KIAA1958: variants seen among roughly 807,000 people sequenced by gnomAD.
KIAA1958 encodes KIAA1958.
Under a neutral mutation model 47.2 loss-of-function variants are expected in KIAA1958, and 14 were observed. The ratio of observed to expected loss-of-function variants is 0.30; its 90% CI spans 0.20 to 0.46. The LOEUF (loss-of-function observed/expected upper bound fraction) is 0.46. Ranked by LOEUF, KIAA1958 falls within the 20% of genes least tolerant of loss-of-function variation. The probability of loss-of-function intolerance (pLI) is 1.00; values close to 1 mark genes in which losing one functional copy is unlikely to be tolerated. For missense variants in KIAA1958, 803 were observed against 909.2 expected, an observed-to-expected ratio of 0.88 and a Z score of 1.50; for synonymous variants, 354 against 353.3, an observed-to-expected ratio of 1.00 and a Z score of -0.02.
intron 3 of KIAA1958, among the ~76,000 whole-genome samples, chr9:112,652,615 T>G (rs1168386822): frequency 1.3e-5 from 2 of 152,176 alleles, no homozygotes; most frequent in Non-Finnish European, 2.9e-5. Context: ...ACCCATTGTT[T>G]TTTTTGTTTT....
intron 2 of KIAA1958, among the ~76,000 whole-genome samples, chr9:112,594,419 T>G (rs1337962764): frequency 6.6e-6 from 1 of 152,216 alleles, no homozygotes; most frequent in Non-Finnish European, 1.5e-5. Flanking sequence ...TACTCCCTCC[T>G]CAGCCCCTGG....
intron 1 of KIAA1958, among the ~76,000 whole-genome samples, chr9:112,530,317 T>C (rs1056731773): frequency 6.6e-6 from 1 of 152,250 alleles, no homozygotes; most frequent in Admixed American, 6.5e-5. Flanking sequence ...CTTTAGCTGC[T>C]GGGAGCTCTT....
chr9:112,520,811 C>T (rs1834526080), intron 1 of KIAA1958, among the ~76,000 whole-genome samples: 1 of 152,052 alleles, frequency 6.6e-6, no homozygotes. Context: ...CTTTTTAGAC[C>T]ATCTGTGGTT....
chr9:112,561,890 T>C (rs755503057), intron 1 of KIAA1958, among the ~76,000 whole-genome samples: 2 of 152,034 alleles, frequency 1.3e-5, no homozygotes, highest in Non-Finnish European at 2.9e-5. Flanking sequence ...AACTCTGGGA[T>C]TGATGGATTG....
chr9:112,619,992 A>G (rs1836472899), intron 2 of KIAA1958, among the ~76,000 whole-genome samples: 1 of 152,182 alleles, frequency 6.6e-6, no homozygotes, highest in South Asian at 2.1e-4. Context: ...ATTGGCACTC[A>G]TTTTAGGTAA....
chr9:112,550,847 C>G (rs1835129724), intron 1 of KIAA1958, among the ~76,000 whole-genome samples: 1 of 152,140 alleles, frequency 6.6e-6, no homozygotes. Flanking sequence ...TACTCAGTCT[C>G]CAGCTCCTCA....
At chr9:112,573,844 T>C (rs543177525) in intron 1 of KIAA1958, among the ~76,000 whole-genome samples, 11 of 152,256 alleles carry the variant, frequency 7.2e-5, no homozygotes, top group Non-Finnish European at 1.5e-4. Flanking sequence ...AAAATTTTTC[T>C]CCAAATCCCA....
intron 1 of KIAA1958, among the ~76,000 whole-genome samples, chr9:112,553,628 G>GT (rs1475091021): frequency 6.6e-6 from 1 of 152,156 alleles, no homozygotes; most frequent in Non-Finnish European, 1.5e-5. Context: ...GAACAACATA[G>GT]TAAGTGCTAC....
chr9:112,650,615 T>A (rs1837041769), intron 3 of KIAA1958, among the ~76,000 whole-genome samples: 2 of 149,866 alleles, frequency 1.3e-5, no homozygotes, highest in Non-Finnish European at 1.5e-5. Context: ...AAAAAAAAAA[T>A]TAAATGGAAA....
chr9:112,510,803 A>G (rs545571686), intron 1 of KIAA1958, among the ~76,000 whole-genome samples: 1 of 152,110 alleles, frequency 6.6e-6, no homozygotes, highest in East Asian at 1.9e-4. Context: ...AGGTTTGCTA[A>G]TTTTTGTACA....
At chr9:112,592,816 G>A (rs1470125376) in intron 2 of KIAA1958, among the ~76,000 whole-genome samples, 2 of 152,196 alleles carry the variant, frequency 1.3e-5, no homozygotes, top group African/African-American at 4.8e-5. Flanking sequence ...TCTGAAATGG[G>A]ACAGGTGGTT....
chr9:112,580,685 G>A (rs1238267106), intron 2 of KIAA1958, among the ~76,000 whole-genome samples: 1 of 152,002 alleles, frequency 6.6e-6, no homozygotes, highest in Non-Finnish European at 1.5e-5. Context: ...TATTCGGCAG[G>A]CTGAGGCAGG....
At chr9:112,657,211 C>T (rs1837166045) in intron 3 of KIAA1958, among the ~76,000 whole-genome samples, 1 of 152,048 alleles carries the variant, frequency 6.6e-6, no homozygotes, top group African/African-American at 2.4e-5. Flanking sequence ...CCTCAGCCTC[C>T]CAAGTAGCTG....
intron 3 of KIAA1958, among the ~76,000 whole-genome samples, chr9:112,649,553 A>G (rs1056758875): frequency 2.6e-5 from 4 of 152,158 alleles, no homozygotes; most frequent in African/African-American, 9.7e-5. Flanking sequence ...AAAAAGAGAA[A>G]AGGAGGAGGA....
At chr9:112,590,505 C>T (rs1012187491) in intron 2 of KIAA1958, among the ~76,000 whole-genome samples, 17 of 152,060 alleles carry the variant, frequency 1.1e-4, no homozygotes, top group Non-Finnish European at 1.9e-4. Flanking sequence ...GCACCTGCCA[C>T]GACACCCAGC....
At chr9:112,630,914 T>C (rs560361153) in intron 2 of KIAA1958, among the ~76,000 whole-genome samples, 3 of 152,218 alleles carry the variant, frequency 2.0e-5, no homozygotes, top group South Asian at 4.1e-4. Flanking sequence ...TATATTTTCA[T>C]AGTATTTAAA....
intron 2 of KIAA1958, among the ~76,000 whole-genome samples, chr9:112,576,895 A>G (rs1835655418): frequency 6.6e-6 from 1 of 152,038 alleles, no homozygotes. Flanking sequence ...GTAACTTTGT[A>G]TTTAACTTTT....
intron 1 of KIAA1958, among the ~76,000 whole-genome samples, chr9:112,517,859 A>G (rs1342081626): frequency 6.6e-6 from 1 of 152,258 alleles, no homozygotes; most frequent in Non-Finnish European, 1.5e-5. Context: ...TGCAAATCAA[A>G]CCAGAGTGAA....
Position 112,660,175 on chromosome 9 carries a change from G to C in KIAA1958, c.*106G>C, listed in dbSNP as rs1406174216. The C allele has an allele frequency of 2.1e-6, 2 of 942,466 alleles. No homozygotes were observed. The highest frequency in any genetic ancestry group is 3.2e-6 in the Non-Finnish European group (2 of 623,624). 58.4% of individuals were successfully genotyped at this position (942,466 alleles called of 1,614,324 possible). A position where few individuals can be genotyped will look rare whatever the true frequency, so the allele number is the denominator to read the frequency against. Reference sequence around the variant, plus strand: ...GGGGCTGACCAGGTGTGACCTCCCGGTCTGGCGGCTCTCCCCTGGTGTGGC... The same window carrying C: ...GGGGCTGACCAGGTGTGACCTCCCGCTCTGGCGGCTCTCCCCTGGTGTGGC... On this transcript the variant is annotated 3_prime_UTR_variant, in exon 4 of 4. Coordinates refer to ENST00000337530, the MANE Select transcript of KIAA1958 (RefSeq NM_133465.4).
Sources: gnomAD v4.1 joint callset for allele counts (sites outside exome capture counted in the v4.1 genomes callset) on GRCh38, gnomAD v4.1.1 for gene constraint, MANE v1.5 for transcripts, NCBI Gene and HGNC (gene_info 2026-07-23, HGNC 2026-07-21) for gene names.